Variants in STRN4 observed in about 807,000 individuals in gnomAD.
STRN4 encodes striatin 4, also known as striatin-4.
Under a neutral mutation model 77.9 loss-of-function variants are expected in STRN4, and 27 were observed. The ratio of observed to expected loss-of-function variants is 0.35; its 90% CI spans 0.26 to 0.48. STRN4 has a LOEUF of 0.48. Ranked by LOEUF, STRN4 falls within the 20% of genes least tolerant of loss-of-function variation. The probability of loss-of-function intolerance (pLI) is 0.99; values close to 1 mark genes in which losing one functional copy is unlikely to be tolerated. For synonymous variants in STRN4, 466 were observed against 443.1 expected (o/e 1.05, Z -0.65); for missense variants, 798 against 1,049.7 (o/e 0.76, Z 3.31).
intron 14 of STRN4, among the ~76,000 whole-genome samples, 191 bp from the exon 15 acceptor site, chr19:46,722,531 G>A (rs976658547): frequency 2.3e-5 from 2 of 88,656 alleles, no homozygotes; most frequent in African/African-American, 1.0e-4. Context: ...CCTGTTTTGG[G>A]GCGGGGGAAG....
intron 14 of STRN4, 111 bp from the exon 15 acceptor site, chr19:46,722,451 C>A: frequency 8.5e-7 from 1 of 1,179,158 alleles, no homozygotes; most frequent in Non-Finnish European, 1.2e-6. Context: ...GCCTGGATGT[C>A]GAGGGGGGCT....
At chr19:46,724,582 G>T (rs2054062202) in intron 12 of STRN4, among the ~76,000 whole-genome samples, 1 of 152,252 alleles carries the variant, frequency 6.6e-6, no homozygotes, top group Non-Finnish European at 1.5e-5. Context: ...GAGATTCTCA[G>T]GCAGCTTCAC....
In STRN4 at chr19:46,722,889, G is replaced by A; in HGVS notation, c.1827C>T (p.Ser609=). 1 of 1,614,008 alleles carries A rather than the reference G, an allele frequency of 6.2e-7. No individual in the cohort carries two copies. Among genetic ancestry groups the A allele is most frequent in the South Asian group, 1.1e-5 (1 of 91,088 alleles). ...ACAAGACGGTGTCGCCAGAGCGGAA[G>A]GAGGCCACGATGTGGGCAGGCTCGG... ...TSTEPAHIVA[S]FRSGDTVLYD... Residue 609 remains serine, a synonymous_variant, in exon 14 of 18, where the codon TCC becomes TCT. Transcript: ENST00000263280.
chr19:46,746,087 G>A (rs1296390581), intron 1 of STRN4, 62 bp downstream of exon 1: 45 of 1,310,382 alleles, frequency 3.4e-5, no homozygotes, highest in Non-Finnish European at 4.1e-5. Context: ...GGCGGCGGCA[G>A]CGGGTGAGGC....
At chr19:46,731,317 G>A (rs1398534546) in intron 5 of STRN4, among the ~76,000 whole-genome samples, 1 of 152,202 alleles carries the variant, frequency 6.6e-6, no homozygotes, top group Non-Finnish European at 1.5e-5. Context: ...TGCTCTGGGA[G>A]GCGCCGAAAG....
At position 46,722,019 on chromosome 19, in the gene STRN4, C is replaced by T. The variant is rs370817238; in HGVS notation, c.2059G>A (p.Val687Met). ...ATCAGGAATGCGCCGTTGGGGTCCA[C>T]GGCTAGGCAGGTGACTGCGTCCAGG... is the stretch of plus-strand genomic sequence containing the variant. ...AHLDAVTCLA[V>M]DPNGAFLMSG... Residue 687 changes from valine to methionine, a missense_variant, in exon 16 of 18, where the codon GTG becomes ATG. Physicochemically the swap from Val to Met is conservative, Grantham distance 21 (BLOSUM62 1). Around this residue, in one of 2 missense-constraint regions of STRN4, gnomAD observed 287 missense variants for 473.8 expected, o/e 0.61. Coordinates refer to ENST00000263280, the MANE Select transcript of STRN4 (RefSeq NM_013403.3). 3.7e-6 allele frequency: 6 copies of T among 1,613,550 alleles called. No individual in the cohort carries two copies. The highest frequency in any genetic ancestry group is 1.1e-5 in the South Asian group (1 of 91,092).
intron 11 of STRN4, 65 bp downstream of exon 11, chr19:46,725,267 G>T: frequency 1.2e-6 from 2 of 1,609,420 alleles, no homozygotes; most frequent in South Asian, 1.1e-5. Flanking sequence ...CGATGGCAGT[G>T]AGCAGGTCAG....
intron 4 of STRN4, chr19:46,736,206 GGC>G (rs2054358940): frequency 1.3e-5 from 2 of 152,166 alleles, no homozygotes; most frequent in South Asian, 4.2e-4. Context: ...GGTGGATGGA[GGC>G]AGAGGTTGCA....
intron 1 of STRN4, 61 bp downstream of exon 1, chr19:46,746,088 C>G: frequency 7.7e-7 from 1 of 1,301,902 alleles, no homozygotes; most frequent in Non-Finnish European, 9.8e-7. Context: ...GCGGCGGCAG[C>G]GGGTGAGGCC....
intron 4 of STRN4, chr19:46,736,468 T>A (rs986355825): frequency 6.7e-5 from 10 of 149,338 alleles, no homozygotes; most frequent in Middle Eastern, 2.1e-3. Flanking sequence ...CCTTGGGAAA[T>A]AAAAAGCCAT....
chr19:46,728,799 A>C (rs979384656), intron 6 of STRN4, 22 bp from the exon 7 acceptor site: 5 of 1,613,236 alleles, frequency 3.1e-6, no homozygotes, highest in Non-Finnish European at 4.2e-6. Context: ...AGAAAGCCAG[A>C]CAAGTCAGGG....
chr19:46,731,032 C>A, intron 5 of STRN4, 159 bp from the exon 6 acceptor site: 1 of 966,564 alleles, frequency 1.0e-6, no homozygotes, highest in South Asian at 1.7e-5. Context: ...GCCCCAACCC[C>A]AGCCTCTGCC....
rs2054306140 is a variant in STRN4 at position 46,733,896 on chromosome 19, AG to A, written c.540-661del. 1 of 152,246 alleles carries A rather than the reference AG, an allele frequency of 6.6e-6. No individual in the cohort carries two copies. Among genetic ancestry groups the A allele is most frequent in the African/African-American group, 2.4e-5 (1 of 41,450 alleles). The allele number at this position is 152,246 out of a possible 1,614,324, so 9.4% of individuals were successfully genotyped here. A position where few individuals can be genotyped will look rare whatever the true frequency, so the allele number is the denominator to read the frequency against. ...CTGGACTAAAAGTAAAAAAAGAAGA[AG>A]GAAAAAAGAACAAAAATCAATTTGG... On this transcript the variant is annotated intron_variant, in intron 4 of 17. Coordinates refer to ENST00000263280, the MANE Select transcript of STRN4 (RefSeq NM_013403.3). The surrounding 1 kb of genome is among the most constrained non-coding windows in gnomAD (Gnocchi z 4.3).
chr19:46,721,475 CTG>C (rs987331693), intron 16 of STRN4: 1 of 160,928 alleles, frequency 6.2e-6, no homozygotes, highest in African/African-American at 2.4e-5. Context: ...GCCTGCGCCT[CTG>C]TGCACACACA....
In STRN4 at chr19:46,739,816, TC is replaced by T. The variant is rs537560401; in HGVS notation, c.283-929del. Among the ~76,000 whole-genome samples the T allele has an allele frequency of 2.6e-5, 4 of 152,316 alleles. No homozygotes were observed. The South Asian group carries it at 8.3e-4, about 32-fold the overall frequency. The stretch of plus-strand genomic sequence containing the variant: ...GAAAATGAGAGTCACAAGAGTGCCC[TC>T]CCCTCATGTGCTAGGTTCTGCTCAG... On this transcript the variant is annotated intron_variant, in intron 1 of 17. Transcript: ENST00000263280.
chr19:46,722,267 G>A lies in STRN4; in HGVS notation c.1980C>T (p.Gly660=), dbSNP rs1390838898. 2 of 1,614,210 alleles carry A rather than the reference G, an allele frequency of 1.2e-6. No individual in the cohort carries two copies. Among genetic ancestry groups the A allele is most frequent in the East Asian group, 4.5e-5 (2 of 44,878 alleles). ...CTGTCCGATTGTCCAGGAAGCGGAT[G>A]CCCCTGTCGTCGTGGGCGGTGATGG... ...PLTITAHDDR[G]IRFLDNRTGK... The change falls in exon 15 of 18, where the codon GGC becomes GGT. Residue 660 remains glycine (G), a synonymous_variant. Coordinates refer to ENST00000263280, the MANE Select transcript of STRN4 (RefSeq NM_013403.3).
chr19:46,746,083 G>T (rs531446425), intron 1 of STRN4, 66 bp downstream of exon 1: 9 of 1,331,804 alleles, frequency 6.8e-6, no homozygotes, highest in Admixed American at 8.2e-5. Context: ...CGGCGGCGGC[G>T]GCAGCGGGTG....
At chr19:46,743,268 A>C (rs987593232) in intron 1 of STRN4, among the ~76,000 whole-genome samples, 3 of 151,954 alleles carry the variant, frequency 2.0e-5, no homozygotes, top group Non-Finnish European at 4.4e-5. Flanking sequence ...ACACACACAC[A>C]CCCCTCTGAG....
chr19:46,724,747 G>C (rs1173933569), intron 12 of STRN4, 60 bp downstream of exon 12: 6 of 1,611,648 alleles, frequency 3.7e-6, no homozygotes, highest in Non-Finnish European at 5.1e-6. Flanking sequence ...GTGTGTGTGC[G>C]TGGAGGGGAC....
Sources: gnomAD v4.1 joint callset for allele counts (sites outside exome capture counted in the v4.1 genomes callset) on GRCh38, gnomAD v4.1.1 for gene constraint, gnomAD v4.1.1 regional missense constraint, Gnocchi (gnomAD v3.1) non-coding constraint, MANE v1.5 for transcripts, NCBI Gene and HGNC (gene_info 2026-07-23, HGNC 2026-07-21) for gene names.